PLD5: variants seen among roughly 807,000 people sequenced by gnomAD.
The protein encoded by PLD5 is inactive phospholipase D5.
PLD5 carries 36 observed loss-of-function variants against 61.1 expected under a neutral mutation model. The observed-to-expected ratio is 0.59, with a 90% CI of 0.45 to 0.78. PLD5 has a LOEUF of 0.78. Ranked by LOEUF, PLD5 falls within the 30% of genes least tolerant of loss-of-function variation. The pLI is 0.00. For synonymous variants in PLD5, 243 were observed against 242.8 expected (o/e 1.00, Z -0.01); for missense variants, 515 against 644.4 (o/e 0.80, Z 2.17).
intron 1 of PLD5, among the ~76,000 whole-genome samples, chr1:242,521,252 T>C (rs1669270713): frequency 6.6e-6 from 1 of 152,248 alleles, no homozygotes; most frequent in Admixed American, 6.5e-5. Flanking sequence ...TATTTAAAGA[T>C]TGATTCCAAT....
chr1:242,195,819 T>C (rs890139324), intron 5 of PLD5, among the ~76,000 whole-genome samples: 4 of 152,226 alleles, frequency 2.6e-5, no homozygotes, highest in Admixed American at 2.6e-4. Flanking sequence ...AGAGTTATCA[T>C]CTTGTAAATC....
chr1:242,474,294 A>C (rs1558592103), intron 1 of PLD5, among the ~76,000 whole-genome samples: 1 of 152,212 alleles, frequency 6.6e-6, no homozygotes, highest in Non-Finnish European at 1.5e-5. Flanking sequence ...CATGTGTAAC[A>C]GAATTCATCA....
intron 7 of PLD5, among the ~76,000 whole-genome samples, chr1:242,111,234 T>C (rs898969336): frequency 2.0e-5 from 3 of 152,032 alleles, no homozygotes; most frequent in African/African-American, 7.2e-5. Context: ...TTTTTGTACT[T>C]TTAGTAGAGA....
At chr1:242,468,135 T>C (rs1282182046) in intron 1 of PLD5, among the ~76,000 whole-genome samples, 2 of 152,144 alleles carry the variant, frequency 1.3e-5, no homozygotes, top group Non-Finnish European at 1.5e-5. Flanking sequence ...ATAGCCAAAG[T>C]ATTTTGAGTT....
chr1:242,244,672 C>A (rs1201091426), intron 4 of PLD5, among the ~76,000 whole-genome samples: 1 of 152,164 alleles, frequency 6.6e-6, no homozygotes, highest in Non-Finnish European at 1.5e-5. Flanking sequence ...ACGGAGAATG[C>A]ACTGCAAAAA....
chr1:242,224,792 T>C (rs889373655), intron 4 of PLD5, among the ~76,000 whole-genome samples: 1 of 152,218 alleles, frequency 6.6e-6, no homozygotes, highest in African/African-American at 2.4e-5. Flanking sequence ...CAATTACCAT[T>C]AGAAAACCAC....
intron 5 of PLD5, among the ~76,000 whole-genome samples, chr1:242,162,350 C>G (rs566855600): frequency 2.9e-4 from 44 of 152,242 alleles, no homozygotes; most frequent in African/African-American, 1.1e-3. Context: ...CTCCATCAGT[C>G]GTTTCTCCTT....
intron 4 of PLD5, among the ~76,000 whole-genome samples, chr1:242,244,388 A>G (rs1286209166): frequency 2.6e-5 from 4 of 152,222 alleles, no homozygotes; most frequent in Admixed American, 2.6e-4. Flanking sequence ...AAGAGGAGAC[A>G]ACACAAAGTA....
intron 2 of PLD5, 65 bp from the exon 3 acceptor site, chr1:242,288,595 T>A: frequency 6.5e-7 from 1 of 1,532,160 alleles, no homozygotes; most frequent in Non-Finnish European, 8.8e-7. Flanking sequence ...CAGATCTTTA[T>A]ATATGCATAC....
chr1:242,482,987 A>C (rs367800121), intron 1 of PLD5, among the ~76,000 whole-genome samples: 1 of 152,184 alleles, frequency 6.6e-6, no homozygotes, highest in African/African-American at 2.4e-5. Context: ...GAAATAAAAT[A>C]CTTTACAGAC....
At chr1:242,146,901 G>A (rs1215252477) in intron 5 of PLD5, among the ~76,000 whole-genome samples, 1 of 152,126 alleles carries the variant, frequency 6.6e-6, no homozygotes, top group Non-Finnish European at 1.5e-5. Flanking sequence ...ACCAACAGAG[G>A]CTCTGCATTG....
At chr1:242,487,713 T>A (rs2102971563) in intron 1 of PLD5, among the ~76,000 whole-genome samples, 2 of 152,240 alleles carry the variant, frequency 1.3e-5, no homozygotes, top group East Asian at 3.9e-4. Context: ...AACCAAATTT[T>A]AAAATGAGCA....
At chr1:242,507,532 A>T (rs1572264371) in intron 1 of PLD5, among the ~76,000 whole-genome samples, 1 of 152,214 alleles carries the variant, frequency 6.6e-6, no homozygotes, top group Admixed American at 6.5e-5. Flanking sequence ...GGTTAACTAT[A>T]CCTTATTGGT....
chr1:242,289,542 G>A (rs548052150), intron 2 of PLD5, among the ~76,000 whole-genome samples: 1 of 152,066 alleles, frequency 6.6e-6, no homozygotes, highest in Admixed American at 6.5e-5. Context: ...TCATAGAGAT[G>A]GGGTTTCACC....
intron 1 of PLD5, among the ~76,000 whole-genome samples, chr1:242,480,292 A>G (rs1187858920): frequency 1.3e-5 from 2 of 152,212 alleles, no homozygotes; most frequent in African/African-American, 2.4e-5. Flanking sequence ...TGGTGCTAGA[A>G]TAAATGGATA....
chr1:242,347,117 C>T (rs573604989), intron 2 of PLD5, among the ~76,000 whole-genome samples: 9 of 152,264 alleles, frequency 5.9e-5, no homozygotes, highest in African/African-American at 2.2e-4. Flanking sequence ...GGTAACTAGA[C>T]TATAAGGTAC....
At chr1:242,315,649 T>A (rs982194755) in intron 2 of PLD5, among the ~76,000 whole-genome samples, 2 of 149,068 alleles carry the variant, frequency 1.3e-5, no homozygotes, top group African/African-American at 4.9e-5. Flanking sequence ...GGAGGATAAC[T>A]TTTTTTTTTA....
chr1:242,145,895 C>T (rs754713755), intron 5 of PLD5, among the ~76,000 whole-genome samples: 15 of 152,204 alleles, frequency 9.9e-5, no homozygotes, highest in Non-Finnish European at 1.9e-4. Context: ...AGGCTGGTCT[C>T]GAACTCCTGG....
At chr1:242,444,062 T>C (rs1666395054) in intron 1 of PLD5, among the ~76,000 whole-genome samples, 1 of 152,224 alleles carries the variant, frequency 6.6e-6, no homozygotes, top group African/African-American at 2.4e-5. Context: ...GAACTCATAT[T>C]TGCTTATTTT....
Sources: allele counts gnomAD v4.1 joint callset (sites outside exome capture counted in the v4.1 genomes callset), GRCh38; gene constraint gnomAD v4.1.1; transcripts MANE v1.5; gene names NCBI Gene and HGNC (gene_info 2026-07-23, HGNC 2026-07-21).